PRPF8: variants seen among roughly 807,000 people sequenced by gnomAD.
The protein encoded by PRPF8 is pre-mRNA processing factor 8, also known as pre-mRNA-processing-splicing factor 8.
Under a neutral mutation model 285.9 loss-of-function variants are expected in PRPF8, and 64 were observed. That is an observed-to-expected ratio of 0.22 (90% CI 0.18 to 0.28). PRPF8 has a LOEUF of 0.28. PRPF8 is among the 10% of genes least tolerant of loss of function. PRPF8 has a pLI of 1.00. For synonymous variants in PRPF8, 1,325 were observed against 1,118.2 expected, an observed-to-expected ratio of 1.18 and a Z score of -3.69; for missense variants, 1,426 against 3,026.7, an observed-to-expected ratio of 0.47 and a Z score of 12.41.
chr17:1,651,521 C>T lies in PRPF8; in HGVS notation c.6543G>A (p.Gln2181=), dbSNP rs1235470958. The T allele has an allele frequency of 1.2e-6, 2 of 1,614,022 alleles. No homozygotes were observed. Among genetic ancestry groups the T allele is most frequent in the Admixed American group, 1.7e-5 (1 of 60,000 alleles). Residue 2181 remains glutamine, a synonymous_variant, in exon 41 of 43, where the codon CAG becomes CAA. Coordinates refer to ENST00000304992, the MANE Select transcript of PRPF8 (RefSeq NM_006445.4). The surrounding 1 kb of genome is among the most constrained non-coding windows in gnomAD (Gnocchi z 5.1). ...EMEPLGWIHT[Q]PNESPQLSPQ... ...GTGATAACTGCGGGGACTCATTGGG[C>T]TGAGTGTGGATCCAACCTAAGGGTT... is the stretch of plus-strand genomic sequence containing the variant.
intron 2 of PRPF8, among the ~76,000 whole-genome samples, 167 bp downstream of exon 2, chr17:1,684,305 G>A (rs1416668886): frequency 1.3e-5 from 2 of 152,210 alleles, no homozygotes; most frequent in Admixed American, 6.5e-5. Context: ...CTGGATCAGC[G>A]CTTGCAAATA....
At position 1,681,489 on chromosome 17, in the gene PRPF8, G is replaced by A. The variant is rs1425155633; in HGVS notation, c.855C>T (p.Asp285=). The A allele has an allele frequency of 1.9e-6, 3 of 1,589,984 alleles. No homozygotes were observed. Among genetic ancestry groups the A allele is most frequent in the Non-Finnish European group, 1.7e-6 (2 of 1,157,998 alleles). Residue 285 remains aspartate (D), a synonymous_variant, in exon 6 of 43, where the codon GAC becomes GAT. Coordinates refer to ENST00000304992, the MANE Select transcript of PRPF8 (RefSeq NM_006445.4). ...TCTCTCCAACTCACTGTAGGTTGAT[G>A]TCTCGAACAAGAGGTTCAAATTTGG... ...GGPKFEPLVR[D]INLQDEDWNE...
chr17:1,664,504 G>C (rs1339079187), intron 24 of PRPF8, among the ~76,000 whole-genome samples: 1 of 152,106 alleles, frequency 6.6e-6, no homozygotes, highest in Non-Finnish European at 1.5e-5. Context: ...CTGTACGCTA[G>C]GACATCAAAA....
At position 1,679,267 on chromosome 17, in the gene PRPF8, C is replaced by T. The variant is rs756200134; in HGVS notation, c.1409+24G>A. On this transcript the variant is annotated intron_variant, in intron 10 of 42. Transcript: ENST00000304992. This position sits in a 1 kb window ranked among gnomAD's most constrained non-coding sequence, Gnocchi z 4.7. The stretch of plus-strand genomic sequence containing the variant: ...CTGATATCTCTGGAACAGAAGTCTG[C>T]GCAGGGCCCCTGGGGCACCTTACCT... 52 of 1,614,044 alleles carry T rather than the reference C, an allele frequency of 3.2e-5. No individual in the cohort carries two copies. Among genetic ancestry groups the T allele is most frequent in the Middle Eastern group, 1.6e-4 (1 of 6,084 alleles).
Position 1,657,039 on chromosome 17 carries a change from T to C in PRPF8, c.5506-278A>G, listed in dbSNP as rs193111132. On this transcript the variant is annotated intron_variant, in intron 34 of 42. Transcript: ENST00000304992. ...CAGGAACAAAAGAAATTAAGGCTAC[T>C]AGGATCAGAAAAAAGCTGCACAAAA... Among the ~76,000 whole-genome samples the C allele has an allele frequency of 4.2e-3, 646 of 152,252 alleles. 4 individuals are homozygous for C. The highest frequency in any genetic ancestry group is 0.015 in the African/African-American group (616 of 41,554).
rs1310385283 is a variant in PRPF8 at position 1,651,641 on chromosome 17, C to T, written c.6510+7G>A. On this transcript the variant is annotated splice_region_variant and intron_variant, in intron 40 of 42. Transcript: ENST00000304992. The surrounding 1 kb of genome is among the most constrained non-coding windows in gnomAD (Gnocchi z 5.1). ...CCACACTCCCAGGCTCCATCACTCC[C>T]CATTACCTTGAGGTACTCATGCTGG... 6.2e-7 allele frequency: 1 copy of T among 1,614,176 alleles called. No individual in the cohort carries two copies. Among genetic ancestry groups the T allele is most frequent in the Non-Finnish European group, 8.5e-7 (1 of 1,180,036 alleles).
At position 1,681,518 on chromosome 17, in the gene PRPF8, C is replaced by A; in HGVS notation, c.826G>T (p.Gly276Cys). Reference protein sequence around the residue: ...SKALNMAIPGGPKFEPLVRDI... With the variant: ...SKALNMAIPGCPKFEPLVRDI... ...CGAACAAGAGGTTCAAATTTGGGGC[C>A]TCCAGGAATGGCCATATTGAGTGCC... is the stretch of plus-strand genomic sequence containing the variant. The change falls in exon 6 of 43, where the codon GGC (glycine) becomes TGC (cysteine). Residue 276 changes from glycine (G) to cysteine (C), a missense_variant. This residue lies in a region of PRPF8 where 157 missense variants were observed against 159.6 expected (regional missense o/e 0.98). Coordinates refer to ENST00000304992, the MANE Select transcript of PRPF8 (RefSeq NM_006445.4). 6.2e-7 allele frequency: 1 copy of A among 1,612,374 alleles called. No individual in the cohort carries two copies. The highest frequency in any genetic ancestry group is 8.5e-7 in the Non-Finnish European group (1 of 1,178,422).
chr17:1,660,863 G>A (rs765235542), intron 28 of PRPF8, 36 bp from the exon 29 acceptor site: 1 of 1,613,172 alleles, frequency 6.2e-7, no homozygotes, highest in East Asian at 2.2e-5. Flanking sequence ...GTGATATCCT[G>A]CCATTTCCCA....
Position 1,661,162 on chromosome 17 carries a change from C to T in PRPF8, c.4339G>A (p.Val1447Ile), listed in dbSNP as rs1911660921. ...RVRTDFKQYQ[V>I]LKQNPFWWTH... ...CACCAGAACGGATTCTGCTTCAAAACCTAGATGGCAAGGCAGGCACGGTCA... is the reference window on the plus strand; with the variant it reads ...CACCAGAACGGATTCTGCTTCAAAATCTAGATGGCAAGGCAGGCACGGTCA... Residue 1447 changes from valine (V) to isoleucine (I), a missense_variant and splice_region_variant, in exon 28 of 43, where the codon GTT (valine) becomes ATT (isoleucine). By Grantham distance (29) the Val-to-Ile change is conservative. Coordinates refer to ENST00000304992, the MANE Select transcript of PRPF8 (RefSeq NM_006445.4). This position sits in a 1 kb window ranked among gnomAD's most constrained non-coding sequence, Gnocchi z 7.3. The T allele has an allele frequency of 6.2e-7, 1 of 1,614,070 alleles. No homozygotes were observed. The highest frequency in any genetic ancestry group is 8.5e-7 in the Non-Finnish European group (1 of 1,180,052).
In PRPF8 at chr17:1,668,158, C is replaced by T. The variant is rs566076903; in HGVS notation, c.3774+4923G>A. Among the ~76,000 whole-genome samples the T allele has an allele frequency of 8.5e-5, 13 of 152,344 alleles. No homozygotes were observed. In the South Asian group the frequency reaches 2.7e-3, roughly 32 times the overall value. On this transcript the variant is annotated intron_variant, in intron 24 of 42. Coordinates refer to ENST00000304992, the MANE Select transcript of PRPF8 (RefSeq NM_006445.4). The stretch of plus-strand genomic sequence containing the variant: ...TAATATGACAAAGATATGATGTGAA[C>T]CCCATCTGACTCCAGAGCCTGTGCT...
Position 1,684,503 on chromosome 17 carries a change from G to A in PRPF8, c.69C>T (p.Asp23=), listed in dbSNP as rs1173562700. The change falls in exon 2 of 43, where the codon GAC becomes GAT. Residue 23 remains aspartate, a synonymous_variant. Transcript: ENST00000304992. ...CCTGCAGCTTCTCCTCCGACATGTA[G>A]TCCGGTAGCGGGGCTAGAGGGCCAG... ...PVPGPLAPLP[D]YMSEEKLQEK... 1.2e-6 allele frequency: 2 copies of A among 1,612,674 alleles called. No individual in the cohort carries two copies. Among genetic ancestry groups the A allele is most frequent in the Admixed American group, 1.7e-5 (1 of 60,026 alleles).
chr17:1,651,317 G>A lies in PRPF8; in HGVS notation c.6651-7C>T. The A allele has an allele frequency of 6.2e-7, 1 of 1,614,138 alleles. No individual in the cohort carries two copies. The highest frequency in any genetic ancestry group is 8.5e-7 in the Non-Finnish European group (1 of 1,180,008). ...ACAGGAGCCTGGCGTGAAGCTGGGG[G>A]AGGAACGAGGACAGAGTAACAGCTC... On this transcript the variant is annotated splice_polypyrimidine_tract_variant and splice_region_variant and intron_variant, in intron 41 of 42. Transcript: ENST00000304992. This position sits in a 1 kb window ranked among gnomAD's most constrained non-coding sequence, Gnocchi z 5.1.
At position 1,676,469 on chromosome 17, in the gene PRPF8, C is replaced by T. The variant is rs373223700; in HGVS notation, c.2388+36G>A. The T allele has an allele frequency of 1.2e-6, 2 of 1,614,038 alleles. No individual in the cohort carries two copies. The highest frequency in any genetic ancestry group is 2.2e-5 in the East Asian group (1 of 44,890). On this transcript the variant is annotated intron_variant, in intron 16 of 42. Coordinates refer to ENST00000304992, the MANE Select transcript of PRPF8 (RefSeq NM_006445.4). The surrounding 1 kb of genome is among the most constrained non-coding windows in gnomAD (Gnocchi z 6.3). ...CAGTCCTCCCTCTTGCCCACTCCCCCACCACTCACACCCAGCCCAGCCTAC... is the reference window on the plus strand; with the variant it reads ...CAGTCCTCCCTCTTGCCCACTCCCCTACCACTCACACCCAGCCCAGCCTAC...
At position 1,651,638 on chromosome 17, in the gene PRPF8, T is replaced by G; in HGVS notation, c.6510+10A>C. ...TTTCCACACTCCCAGGCTCCATCAC[T>G]CCCCATTACCTTGAGGTACTCATGC... On this transcript the variant is annotated intron_variant, in intron 40 of 42. Transcript: ENST00000304992. The surrounding 1 kb of genome is among the most constrained non-coding windows in gnomAD (Gnocchi z 5.1). 5.0e-6 allele frequency: 8 copies of G among 1,614,054 alleles called. No individual in the cohort carries two copies. Among genetic ancestry groups the G allele is most frequent in the Non-Finnish European group, 6.8e-6 (8 of 1,180,020 alleles).
At chr17:1,670,589 C>T (rs533073573) in intron 24 of PRPF8, among the ~76,000 whole-genome samples, 2 of 152,244 alleles carry the variant, frequency 1.3e-5, no homozygotes, top group African/African-American at 4.8e-5. Context: ...CGGGTTCCAG[C>T]GATTCTCCTG....
intron 34 of PRPF8, among the ~76,000 whole-genome samples, chr17:1,656,984 G>A (rs1346419510): frequency 1.3e-5 from 2 of 152,178 alleles, no homozygotes; most frequent in African/African-American, 4.8e-5. Context: ...ACATGAGTAT[G>A]TGCTAAACTA....
chr17:1,655,424 C>A lies in PRPF8; in HGVS notation c.5913G>T (p.Leu1971=), dbSNP rs199794814. The A allele has an allele frequency of 2.1e-5, 34 of 1,613,944 alleles. No homozygotes were observed. Among genetic ancestry groups the A allele is most frequent in the Non-Finnish European group, 5.9e-6 (7 of 1,180,028 alleles). ...CGACCTTGATCCATTCTTCGTCAGT[C>A]AGAGTGGGCCAGATGTGGTGTGGTT... ...ITEPHHIWPT[L]TDEEWIKVEV... The change falls in exon 37 of 43, where the codon CTG becomes CTT. Residue 1971 remains leucine (L), a synonymous_variant. Transcript: ENST00000304992.
In PRPF8 at chr17:1,664,674, C is replaced by T. The variant is rs139642395; in HGVS notation, c.3775-2521G>A. Among the ~76,000 whole-genome samples, 298 of 151,966 alleles carry T rather than the reference C, an allele frequency of 2.0e-3. 6 individuals carry two copies. The East Asian group carries it at 0.047, about 24-fold the overall frequency. ...AATTATTAAAAAAAAAATCTTGATA[C>T]ATTTTTTAAAACTAAGATCATATAC... On this transcript the variant is annotated intron_variant, in intron 24 of 42. Coordinates refer to ENST00000304992, the MANE Select transcript of PRPF8 (RefSeq NM_006445.4).
intron 13 of PRPF8, among the ~76,000 whole-genome samples, chr17:1,678,225 G>A (rs758169619): frequency 6.6e-6 from 1 of 152,144 alleles, no homozygotes; most frequent in African/African-American, 2.4e-5. Context: ...TGAAGCAGGA[G>A]AATCACTTCA....
Sources: gnomAD v4.1 joint callset for allele counts (sites outside exome capture counted in the v4.1 genomes callset) on GRCh38, gnomAD v4.1.1 for gene constraint, gnomAD v4.1.1 regional missense constraint, Gnocchi (gnomAD v3.1) non-coding constraint, MANE v1.5 for transcripts, NCBI Gene and HGNC (gene_info 2026-07-23, HGNC 2026-07-21) for gene names.